SLC22A25: variants seen among roughly 807,000 people sequenced by gnomAD.
SLC22A25 encodes the protein solute carrier family 22 member 25.
A neutral mutation model predicts 45.9 loss-of-function variants in SLC22A25; 44 were observed. The ratio of observed to expected loss-of-function variants is 0.96; its 90% confidence interval spans 0.75 to 1.23. The LOEUF (loss-of-function observed/expected upper bound fraction) is 1.23. Ranked by LOEUF, SLC22A25 falls within the 50% of genes most tolerant of loss-of-function variation. SLC22A25 has a pLI of 0.00. For missense variants in SLC22A25, 800 were observed against 666.4 expected, an observed-to-expected ratio of 1.20 and a Z score of -2.21; for synonymous variants, 283 against 238.6, an observed-to-expected ratio of 1.19 and a Z score of -1.72.
chr11:63,227,175 C>T (rs764227859), intron 5 of SLC22A25, among the ~76,000 whole-genome samples: 3 of 151,840 alleles, frequency 2.0e-5, no homozygotes, highest in Non-Finnish European at 2.9e-5. Context: ...GACAAAGTCC[C>T]CTTTATTCTT....
intron 5 of SLC22A25, among the ~76,000 whole-genome samples, chr11:63,227,345 AT>A (rs1420443718): frequency 2.2e-4 from 33 of 152,188 alleles, no homozygotes; most frequent in African/African-American, 7.5e-4. Flanking sequence ...GCCAAGGGAT[AT>A]TTAGTTAGCA....
intron 7 of SLC22A25, among the ~76,000 whole-genome samples, chr11:63,212,736 G>A (rs1428592117): frequency 6.6e-6 from 1 of 151,834 alleles, no homozygotes; most frequent in East Asian, 1.9e-4. Context: ...GTACCAACAT[G>A]GCTTATGTAT....
At chr11:63,185,692 C>T in intron 7 of SLC22A25, among the ~76,000 whole-genome samples, 1 of 108,722 alleles carries the variant, frequency 9.2e-6, no homozygotes, top group Non-Finnish European at 1.8e-5. Flanking sequence ...ATCCCTCCCC[C>T]CTCCCCCCAC....
rs774908596 is a variant in SLC22A25, at chr11:63,229,637, G to A, written c.16C>T (p.Leu6Phe). MAFQDLLDQVGGLGRF... is the reference protein window; with the variant it reads MAFQDFLDQVGGLGRF... ...CCCAGGCCTCCAACTTGATCTAGGA[G>A]GTCCTGAAAGGCCATTGAGGCTGGA... Residue 6 changes from leucine to phenylalanine, a missense_variant, in exon 4 of 12, where the codon CTC becomes TTC. Transcript: ENST00000306494. 3.1e-6 allele frequency: 5 copies of A among 1,602,194 alleles called. No homozygotes were observed. Among genetic ancestry groups the A allele is most frequent in the South Asian group, 1.1e-5 (1 of 90,856 alleles).
intron 7 of SLC22A25, among the ~76,000 whole-genome samples, chr11:63,194,160 T>C (rs1047437047): frequency 8.6e-5 from 13 of 151,884 alleles, no homozygotes; most frequent in African/African-American, 2.7e-4. Context: ...AATATGTGAC[T>C]GTGTGAAAAG....
In SLC22A25 at chr11:63,159,479, C is replaced by G. The variant is rs1174193990; in HGVS notation, c.*4345G>C. Among the ~76,000 whole-genome samples, 1 of 152,168 alleles carries G rather than the reference C, an allele frequency of 6.6e-6. No individual in the cohort carries two copies. The highest frequency in any genetic ancestry group is 2.4e-5 in the African/African-American group (1 of 41,442). On this transcript the variant is annotated 3_prime_UTR_variant, in exon 12 of 12. Coordinates refer to ENST00000306494, the MANE Select transcript of SLC22A25 (RefSeq NM_199352.6). Reference sequence around the variant, plus strand: ...TTTCCCTGCAGAAATTCTCTTTTCCCTGCTGCCATGTAAGTTGTGCCTTTC... The same window carrying G: ...TTTCCCTGCAGAAATTCTCTTTTCCGTGCTGCCATGTAAGTTGTGCCTTTC...
chr11:63,175,140 GA>G (rs1322554000), intron 9 of SLC22A25, among the ~76,000 whole-genome samples: 4 of 152,068 alleles, frequency 2.6e-5, no homozygotes, highest in African/African-American at 9.7e-5. Context: ...TTGAAAAACT[GA>G]GATCCTAGAA....
At chr11:63,234,857 T>A (rs2090136039) in intron 3 of SLC22A25, among the ~76,000 whole-genome samples, 2 of 152,192 alleles carry the variant, frequency 1.3e-5, no homozygotes, top group Non-Finnish European at 2.9e-5. Flanking sequence ...TCTCAGCATT[T>A]GCTTGTGTGT....
chr11:63,213,661 C>A (rs1229899482), intron 7 of SLC22A25, among the ~76,000 whole-genome samples: 2 of 152,160 alleles, frequency 1.3e-5, no homozygotes, highest in Admixed American at 6.5e-5. Flanking sequence ...ACTATAAATA[C>A]CTTGAACCCA....
intron 7 of SLC22A25, among the ~76,000 whole-genome samples, chr11:63,191,978 C>G (rs1052513580): frequency 6.6e-6 from 1 of 151,856 alleles, no homozygotes; most frequent in Non-Finnish European, 1.5e-5. Context: ...AGGAAATGCA[C>G]AGAATTCCAG....
rs376544370 is a variant in SLC22A25, at chr11:63,216,558, A to T, written c.830+756T>A. 6.4e-4 allele frequency among the ~76,000 whole-genome samples: 97 copies of T among 152,296 alleles called. 2 individuals are homozygous for T. In the East Asian group the frequency reaches 0.012, roughly 18 times the overall value. On this transcript the variant is annotated intron_variant, in intron 7 of 11. Coordinates refer to ENST00000306494, the MANE Select transcript of SLC22A25 (RefSeq NM_199352.6). Reference sequence around the variant, plus strand: ...CTATGCAGCCATAAAAAAGAACAAGATTGTGTCCTTTGCAGGGACATGGAT... The same window carrying T: ...CTATGCAGCCATAAAAAAGAACAAGTTTGTGTCCTTTGCAGGGACATGGAT...
rs2087530936 is a variant in SLC22A25, at chr11:63,161,271, G to T, written c.*2553C>A. On this transcript the variant is annotated 3_prime_UTR_variant, in exon 12 of 12. Transcript: ENST00000306494. ...TTCTTTTGATTTTGCAAGGTCATAGGTGGAAAGGACTTGCCTTGTCTCAGA... is the reference window on the plus strand; with the variant it reads ...TTCTTTTGATTTTGCAAGGTCATAGTTGGAAAGGACTTGCCTTGTCTCAGA... Among the ~76,000 whole-genome samples the T allele has an allele frequency of 6.6e-6, 1 of 152,196 alleles. No homozygotes were observed. Among genetic ancestry groups the T allele is most frequent in the Non-Finnish European group, 1.5e-5 (1 of 68,026 alleles).
chr11:63,210,503 G>A (rs901396352), intron 7 of SLC22A25, among the ~76,000 whole-genome samples: 1 of 152,150 alleles, frequency 6.6e-6, no homozygotes, highest in Middle Eastern at 3.2e-3. Flanking sequence ...CCCCGAAAAG[G>A]AAAAGGATGG....
chr11:63,230,959 G>T (rs1466618693), intron 3 of SLC22A25, among the ~76,000 whole-genome samples: 3 of 152,156 alleles, frequency 2.0e-5, no homozygotes, highest in African/African-American at 7.2e-5. Context: ...CTTCATCCAT[G>T]TCTCTACAAA....
At chr11:63,196,831 T>C (rs144683973) in intron 7 of SLC22A25, among the ~76,000 whole-genome samples, 5,502 of 152,288 alleles carry the variant, frequency 0.036, 336 homozygotes, top group African/African-American at 0.13. Context: ...TGTTTGCAGA[T>C]GACATGATTG....
At chr11:63,224,725 C>G (rs1355788948) in intron 5 of SLC22A25, among the ~76,000 whole-genome samples, 1 of 152,156 alleles carries the variant, frequency 6.6e-6, no homozygotes, top group Non-Finnish European at 1.5e-5. Context: ...AAAACTAATA[C>G]AACTGCATAC....
rs1460120087 is a variant in SLC22A25, at chr11:63,183,745, T to C, written c.903A>G (p.Lys301=). 1 of 1,613,314 alleles carries C rather than the reference T, an allele frequency of 6.2e-7. No individual in the cohort carries two copies. The highest frequency in any genetic ancestry group is 8.5e-7 in the Non-Finnish European group (1 of 1,179,430). The change falls in exon 8 of 12, where the codon AAA becomes AAG. Residue 301 remains lysine (K), a synonymous_variant. Coordinates refer to ENST00000306494, the MANE Select transcript of SLC22A25 (RefSeq NM_199352.6). ...KPEEGLKELR[K]AAHRNGMKNA... Reference sequence around the variant, plus strand: ...TCTTCATTCCATTCCTGTGTGCAGCTTTTCTAAGTTCCTTTAAGCCCTCTT... The same window carrying C: ...TCTTCATTCCATTCCTGTGTGCAGCCTTTCTAAGTTCCTTTAAGCCCTCTT...
intron 7 of SLC22A25, among the ~76,000 whole-genome samples, chr11:63,203,199 A>G (rs1454283464): frequency 6.6e-6 from 1 of 152,182 alleles, no homozygotes; most frequent in Non-Finnish European, 1.5e-5. Context: ...ACAAAGATGA[A>G]GAAAAACCAG....
At chr11:63,222,320 T>A (rs2089871486) in intron 5 of SLC22A25, among the ~76,000 whole-genome samples, 1 of 152,122 alleles carries the variant, frequency 6.6e-6, no homozygotes, top group South Asian at 2.1e-4. Context: ...ATTTTAGAGT[T>A]TTCATTGTAG....
Sources: gnomAD v4.1 joint callset for allele counts (sites outside exome capture counted in the v4.1 genomes callset) on GRCh38, gnomAD v4.1.1 for gene constraint, MANE v1.5 for transcripts, NCBI Gene and HGNC (gene_info 2026-07-23, HGNC 2026-07-21) for gene names.